The following PRKAR1B variants were observed in gnomAD, a reference collection of about 807,000 sequenced individuals.
PRKAR1B encodes cAMP-dependent protein kinase type I-beta regulatory subunit.
Under a neutral mutation model 46.5 loss-of-function variants are expected in PRKAR1B, and 22 were observed. The observed-to-expected ratio is 0.47, with a 90% CI of 0.34 to 0.68. PRKAR1B has a LOEUF of 0.68. Ranked by LOEUF, PRKAR1B falls within the 30% of genes least tolerant of loss-of-function variation. PRKAR1B has a pLI of 0.01. For missense variants in PRKAR1B, 445 were observed against 535.6 expected (o/e 0.83, Z 1.67); for synonymous variants, 259 against 217.7 (o/e 1.19, Z -1.67).
At chr7:558,117 C>T (rs796439312) in intron 9 of PRKAR1B, among the ~76,000 whole-genome samples, 24 of 151,212 alleles carry the variant, frequency 1.6e-4, no homozygotes, top group African/African-American at 5.8e-4. Flanking sequence ...AGTTTGAGAC[C>T]AGCCTGGGCA....
In PRKAR1B at chr7:593,335, C is replaced by G. The variant is rs113409995; in HGVS notation, c.708+2811G>C. Among the ~76,000 whole-genome samples the G allele has an allele frequency of 0.021, 3,179 of 152,282 alleles. 71 individuals are homozygous for G. The highest frequency in any genetic ancestry group is 0.061 in the African/African-American group (2,522 of 41,544). On this transcript the variant is annotated intron_variant, in intron 7 of 10. Coordinates refer to ENST00000537384, the MANE Select transcript of PRKAR1B (RefSeq NM_001164760.2). This position sits in a 1 kb window ranked among gnomAD's most constrained non-coding sequence, Gnocchi z 6.1. ...TCCCAGCTCGGGACTAAGGCAGAAA[C>G]AGGAGCTGTGTGAGGAGCTCGGGGC...
intron 1 of PRKAR1B, among the ~76,000 whole-genome samples, chr7:715,496 G>A (rs1780840207): frequency 6.6e-6 from 1 of 152,090 alleles, no homozygotes; most frequent in South Asian, 2.1e-4. Context: ...AAAATGTGCT[G>A]CTGGTGACTG....
At chr7:630,925 A>C (rs1392736114) in intron 4 of PRKAR1B, among the ~76,000 whole-genome samples, 1 of 151,508 alleles carries the variant, frequency 6.6e-6, no homozygotes, top group Non-Finnish European at 1.5e-5. Flanking sequence ...GCCTGGTTTC[A>C]ACAGAGGGCT....
chr7:568,909 G>A lies in PRKAR1B; in HGVS notation c.891+10347C>T, dbSNP rs376753611. 1.2e-3 allele frequency among the ~76,000 whole-genome samples: 187 copies of A among 152,060 alleles called. 1 individual carries two copies. In the Middle Eastern group the frequency reaches 0.02, roughly 17 times the overall value. ...AGATACGGGTGGGAAACAAGATCTG[G>A]AAATGTCTGCAATGGAAAGCCGGGG... is the stretch of plus-strand genomic sequence containing the variant. On this transcript the variant is annotated intron_variant, in intron 9 of 10. Coordinates refer to ENST00000537384, the MANE Select transcript of PRKAR1B (RefSeq NM_001164760.2).
intron 9 of PRKAR1B, among the ~76,000 whole-genome samples, chr7:574,595 T>C (rs761545890): frequency 5.1e-4 from 78 of 152,126 alleles, no homozygotes; most frequent in Non-Finnish European, 9.7e-4. Flanking sequence ...AGGCACCTGC[T>C]ACCACACCCG....
rs149366726 is a variant in PRKAR1B, at chr7:598,127, G to A, written c.550-1823C>T. On this transcript the variant is annotated intron_variant, in intron 6 of 10. Transcript: ENST00000537384. Reference sequence around the variant, plus strand: ...AGTCGCCACTGGCACAGCTTCAGGAGGCATTCTGCACTAAACACCATCACC... The same window carrying A: ...AGTCGCCACTGGCACAGCTTCAGGAAGCATTCTGCACTAAACACCATCACC... Among the ~76,000 whole-genome samples, 1,145 of 152,166 alleles carry A rather than the reference G, an allele frequency of 7.5e-3. 9 individuals carry two copies. The highest frequency in any genetic ancestry group is 0.027 in the Middle Eastern group (8 of 294).
intron 2 of PRKAR1B, chr7:691,503 C>T: frequency 1.5e-6 from 2 of 1,304,422 alleles, no homozygotes; most frequent in Non-Finnish European, 1.0e-6. Flanking sequence ...CCACAGCCAT[C>T]CAGGGAGAGC....
intron 9 of PRKAR1B, among the ~76,000 whole-genome samples, chr7:557,959 C>T (rs946389907): frequency 4.0e-5 from 6 of 151,312 alleles, no homozygotes; most frequent in East Asian, 2.0e-4. Context: ...GGCCGTTGTC[C>T]GCAGCAGGGG....
chr7:675,336 C>T (rs1325434561), intron 4 of PRKAR1B, among the ~76,000 whole-genome samples: 1 of 152,356 alleles, frequency 6.6e-6, no homozygotes, highest in East Asian at 1.9e-4. Context: ...CACTCACGGG[C>T]ACACGCCTGC....
At chr7:679,376 T>C (rs1778528305) in intron 3 of PRKAR1B, among the ~76,000 whole-genome samples, 1 of 152,226 alleles carries the variant, frequency 6.6e-6, no homozygotes, top group African/African-American at 2.4e-5. Flanking sequence ...TCGTGTGCCG[T>C]GAGCAGGGCT....
chr7:589,740 A>T (rs577995951), intron 7 of PRKAR1B, among the ~76,000 whole-genome samples: 1 of 152,346 alleles, frequency 6.6e-6, no homozygotes, highest in Admixed American at 6.5e-5. Flanking sequence ...TCAGCATCTT[A>T]TCTGCTCTGG....
chr7:633,711 C>A (rs1430152233), intron 4 of PRKAR1B, among the ~76,000 whole-genome samples: 1 of 152,158 alleles, frequency 6.6e-6, no homozygotes, highest in African/African-American at 2.4e-5. Flanking sequence ...GCAGGTTGGG[C>A]CCGCCTGGCC....
At chr7:648,223 C>T (rs1784721819) in intron 4 of PRKAR1B, among the ~76,000 whole-genome samples, 1 of 152,040 alleles carries the variant, frequency 6.6e-6, no homozygotes, top group Non-Finnish European at 1.5e-5. Flanking sequence ...TGTTTCATTA[C>T]AAGTTTAGGT....
chr7:704,841 T>TA (rs1426829190), intron 2 of PRKAR1B, among the ~76,000 whole-genome samples: 1 of 152,134 alleles, frequency 6.6e-6, no homozygotes, highest in Non-Finnish European at 1.5e-5. Flanking sequence ...TGACAGTTTA[T>TA]AAAAAATTCT....
chr7:665,628 T>C (rs1785867996), intron 4 of PRKAR1B, among the ~76,000 whole-genome samples: 1 of 152,252 alleles, frequency 6.6e-6, no homozygotes, highest in Admixed American at 6.5e-5. Context: ...GTTCAAGCCA[T>C]TAAGCATCTC....
intron 6 of PRKAR1B, among the ~76,000 whole-genome samples, chr7:601,964 T>G (rs999686582): frequency 6.6e-6 from 1 of 151,528 alleles, no homozygotes; most frequent in Non-Finnish European, 1.5e-5. Context: ...GGGGAGGGAT[T>G]TGCCAGGACA....
At chr7:579,436 C>G in intron 8 of PRKAR1B, 59 bp from the exon 9 acceptor site, 1 of 1,601,088 alleles carries the variant, frequency 6.2e-7, no homozygotes, top group Non-Finnish European at 8.5e-7. Context: ...AGCCACAGTC[C>G]AAGACAAGGG....
chr7:659,610 G>A (rs1785395454), intron 4 of PRKAR1B, among the ~76,000 whole-genome samples: 1 of 152,180 alleles, frequency 6.6e-6, no homozygotes, highest in Non-Finnish European at 1.5e-5. Flanking sequence ...AACCAGCCCA[G>A]GGAGGAAACC....
At chr7:640,150 G>A (rs551923390) in intron 4 of PRKAR1B, among the ~76,000 whole-genome samples, 6 of 150,088 alleles carry the variant, frequency 4.0e-5, no homozygotes, top group East Asian at 3.9e-4. Flanking sequence ...GCAACAGAGC[G>A]AGACTCCGTC....
Sources: allele counts gnomAD v4.1 joint callset (sites outside exome capture counted in the v4.1 genomes callset), GRCh38; gene constraint gnomAD v4.1.1; non-coding constraint Gnocchi (gnomAD v3.1); transcripts MANE v1.5; gene names NCBI Gene and HGNC (gene_info 2026-07-23, HGNC 2026-07-21).